Variants in CARS1 observed in about 807,000 individuals in gnomAD.
CARS1 encodes cysteine--tRNA ligase, cytoplasmic.
Under a neutral mutation model 106.2 loss-of-function variants are expected in CARS1, and 48 were observed. That is an observed-to-expected ratio of 0.45 (90% CI 0.36 to 0.57). The LOEUF (loss-of-function observed/expected upper bound fraction) is 0.57. Among genes scored for constraint, CARS1 ranks in the 20% least tolerant of loss-of-function variants. The pLI is 0.00. For missense variants in CARS1, 968 were observed against 1,057.2 expected, an observed-to-expected ratio of 0.92 and a Z score of 1.17; for synonymous variants, 409 against 403.4, an observed-to-expected ratio of 1.01 and a Z score of -0.17.
chr11:3,031,634 G>C (rs1852772259), intron 7 of CARS1: 1 of 152,226 alleles, frequency 6.6e-6, no homozygotes. Flanking sequence ...GAGAAGTTAG[G>C]TCATAGGGCA....
rs576761745 is a variant in CARS1, at chr11:3,021,088, A to G, written c.1154-756T>C. Reference sequence around the variant, plus strand: ...GAATTCCATGCATTGACTCGGTGACACTCAGCCACCTGACACTCAGGGTAC... The same window carrying G: ...GAATTCCATGCATTGACTCGGTGACGCTCAGCCACCTGACACTCAGGGTAC... On this transcript the variant is annotated intron_variant, in intron 10 of 22. Transcript: ENST00000380525. The surrounding 1 kb of genome is among the most constrained non-coding windows in gnomAD (Gnocchi z 5.3). Among the ~76,000 whole-genome samples the G allele has an allele frequency of 1.3e-5, 2 of 152,278 alleles. No homozygotes were observed. The highest frequency in any genetic ancestry group is 3.9e-4 in the East Asian group (2 of 5,182).
At chr11:3,015,906 C>T (rs933762354) in intron 16 of CARS1, 57 bp from the exon 17 acceptor site, 15 of 1,443,226 alleles carry the variant, frequency 1.0e-5, no homozygotes, top group African/African-American at 5.6e-5. Flanking sequence ...CGGCATGTGG[C>T]GAGCAGCTGT....
rs918419154 is a variant in CARS1, at chr11:3,046,631, C to A, written c.274+1122G>T. ...GCAGAGGCCTGACCCACGGCAGAGG[C>A]GGGGGGGCATGTTCCCAATCCCAGG... On this transcript the variant is annotated intron_variant, in intron 2 of 22. Coordinates refer to ENST00000380525, the MANE Select transcript of CARS1 (RefSeq NM_001014437.3). This position sits in a 1 kb window ranked among gnomAD's most constrained non-coding sequence, Gnocchi z 5.8. Among the ~76,000 whole-genome samples, 1 of 151,958 alleles carries A rather than the reference C, an allele frequency of 6.6e-6. No individual in the cohort carries two copies. The highest frequency in any genetic ancestry group is 1.5e-5 in the Non-Finnish European group (1 of 67,930).
In CARS1 at chr11:3,047,791, C is replaced by A. The variant is rs776018728; in HGVS notation, c.236G>T (p.Ser79Ile). 3.9e-5 allele frequency: 63 copies of A among 1,613,770 alleles called. No homozygotes were observed. Among genetic ancestry groups the A allele is most frequent in the African/African-American group, 9.3e-5 (7 of 74,920 alleles). The change falls in exon 2 of 23, where the codon AGC becomes ATC. Residue 79 changes from serine to isoleucine, a missense_variant. Coordinates refer to ENST00000380525, the MANE Select transcript of CARS1 (RefSeq NM_001014437.3). ...WFRHIEALLG[S>I]PCGKGQPCRL... ...GCAGGGCTGGCCTTTGCCACAGGGG[C>A]TACCCAGGAGCGCTTCTATGTGCCT... is the stretch of plus-strand genomic sequence containing the variant.
chr11:3,024,594 C>T (rs1301203858), intron 10 of CARS1, among the ~76,000 whole-genome samples: 24 of 151,978 alleles, frequency 1.6e-4, no homozygotes, highest in African/African-American at 5.1e-4. Context: ...ACTATAGGCA[C>T]GTGCCACCAC....
At chr11:3,012,058 A>G in intron 18 of CARS1, 137 bp downstream of exon 18, 1 of 771,960 alleles carries the variant, frequency 1.3e-6, no homozygotes, top group Admixed American at 2.0e-5. Flanking sequence ...ATGCCGTTCA[A>G]CACCCTGTGG....
rs538197594 is a variant in CARS1 at position 3,044,184 on chromosome 11, G to A, written c.275-1928C>T. ...ACGCTGCCCAGAAACACAGCCATGA[G>A]GCCACGGGATCATCACACTCACCCT... On this transcript the variant is annotated intron_variant, in intron 2 of 22. Coordinates refer to ENST00000380525, the MANE Select transcript of CARS1 (RefSeq NM_001014437.3). The surrounding 1 kb of genome is among the most constrained non-coding windows in gnomAD (Gnocchi z 4.4). Among the ~76,000 whole-genome samples the A allele has an allele frequency of 6.6e-6, 1 of 152,106 alleles. No individual in the cohort carries two copies. Among genetic ancestry groups the A allele is most frequent in the Non-Finnish European group, 1.5e-5 (1 of 68,032 alleles).
rs1855529446 is a variant in CARS1, at chr11:3,050,309, C to T, written c.26-2308G>A. Among the ~76,000 whole-genome samples, 1 of 152,080 alleles carries T rather than the reference C, an allele frequency of 6.6e-6. No homozygotes were observed. Among genetic ancestry groups the T allele is most frequent in the Admixed American group, 6.5e-5 (1 of 15,278 alleles). On this transcript the variant is annotated intron_variant, in intron 1 of 22. Coordinates refer to ENST00000380525, the MANE Select transcript of CARS1 (RefSeq NM_001014437.3). This position sits in a 1 kb window ranked among gnomAD's most constrained non-coding sequence, Gnocchi z 6.3. ...CACGGAGCCACTGTCCCATCTGACC[C>T]CAATAAGATGGCCACCCACTCCAAG... is the stretch of plus-strand genomic sequence containing the variant.
In CARS1 at chr11:3,029,526, G is replaced by C; in HGVS notation, c.802-83C>G. Reference sequence around the variant, plus strand: ...TCGTGCAGCTGGTGTGAGCCCATCAGTGCCCTGAATTCAAAGGTGCTGACC... The same window carrying C: ...TCGTGCAGCTGGTGTGAGCCCATCACTGCCCTGAATTCAAAGGTGCTGACC... On this transcript the variant is annotated intron_variant, in intron 7 of 22. Coordinates refer to ENST00000380525, the MANE Select transcript of CARS1 (RefSeq NM_001014437.3). The surrounding 1 kb of genome is among the most constrained non-coding windows in gnomAD (Gnocchi z 5.9). 1 of 1,494,742 alleles carries C rather than the reference G, an allele frequency of 6.7e-7. No homozygotes were observed. Among genetic ancestry groups the C allele is most frequent in the South Asian group, 1.2e-5 (1 of 83,558 alleles). 92.6% of individuals were successfully genotyped at this position (1,494,742 alleles called of 1,614,324 possible). A position where few individuals can be genotyped will look rare whatever the true frequency, so the allele number is the denominator to read the frequency against.
intron 7 of CARS1, among the ~76,000 whole-genome samples, chr11:3,031,996 T>TTCCTTCCTTCCCTCCC (rs1365442301): frequency 6.2e-5 from 1 of 16,038 alleles, no homozygotes; most frequent in African/African-American, 2.6e-4. Context: ...CCTTCCTTCC[T>TTCCTTCCTTCCCTCCC]TCCCTCCCTC....
At chr11:3,016,134 G>A (rs1302937807) in intron 16 of CARS1, among the ~76,000 whole-genome samples, 4 of 152,176 alleles carry the variant, frequency 2.6e-5, no homozygotes, top group African/African-American at 9.7e-5. Context: ...TTGAGTCCAG[G>A]CCCTGCTGGC....
chr11:3,015,417 G>A (rs1426247086), intron 17 of CARS1, among the ~76,000 whole-genome samples: 1 of 152,256 alleles, frequency 6.6e-6, no homozygotes, highest in African/African-American at 2.4e-5. Flanking sequence ...TTTCGATGAA[G>A]CATTTACTGA....
rs998870616 is a variant in CARS1, at chr11:3,028,691, G to T, written c.1031+305C>A. 2 of 426,164 alleles carry T rather than the reference G, an allele frequency of 4.7e-6. No homozygotes were observed. The highest frequency in any genetic ancestry group is 2.0e-5 in the African/African-American group (1 of 49,870). 26.4% of individuals were successfully genotyped at this position (426,164 alleles called of 1,614,324 possible). On this transcript the variant is annotated intron_variant, in intron 9 of 22. Transcript: ENST00000380525. This position sits in a 1 kb window ranked among gnomAD's most constrained non-coding sequence, Gnocchi z 4.4. ...CGCAATGGCACTGATGTCTGTGAAG[G>T]CCCAGCAGTATTCGCACTCACCATT...
At chr11:3,007,899 A>G (rs1389973174) in intron 18 of CARS1, 1 of 152,294 alleles carries the variant, frequency 6.6e-6, no homozygotes, top group Non-Finnish European at 1.5e-5. Context: ...AGAACAGGAC[A>G]TAAGAAGTTT....
chr11:3,049,485 G>A (rs151069929), intron 1 of CARS1, among the ~76,000 whole-genome samples: 333 of 152,358 alleles, frequency 2.2e-3, no homozygotes, highest in African/African-American at 7.6e-3. Context: ...CCAGGCAGAT[G>A]GTGCCAGGCT....
intron 19 of CARS1, 50 bp downstream of exon 19, chr11:3,006,829 C>T: frequency 2.1e-6 from 3 of 1,435,930 alleles, no homozygotes; most frequent in South Asian, 1.1e-5. Flanking sequence ...CCTTGTGACA[C>T]CTCTCCAAGC....
chr11:3,006,255 G>C (rs7109088), intron 19 of CARS1, among the ~76,000 whole-genome samples: 2 of 151,904 alleles, frequency 1.3e-5, no homozygotes, highest in African/African-American at 4.8e-5. Flanking sequence ...ACACTAGCCT[G>C]GTCAACACAG....
chr11:3,029,118 C>T lies in CARS1; in HGVS notation c.943-34G>A, dbSNP rs371284384. ...GACATGAGAATGTCCTGGGATTTTC[C>T]CTTCTGAAAACCACGCGCTCCATAA... On this transcript the variant is annotated intron_variant, in intron 8 of 22. Coordinates refer to ENST00000380525, the MANE Select transcript of CARS1 (RefSeq NM_001014437.3). This position sits in a 1 kb window ranked among gnomAD's most constrained non-coding sequence, Gnocchi z 5.9. The T allele has an allele frequency of 1.3e-6, 2 of 1,562,272 alleles. No individual in the cohort carries two copies. Among genetic ancestry groups the T allele is most frequent in the African/African-American group, 2.7e-5 (2 of 73,892 alleles).
At chr11:3,031,656 C>A (rs1056760261) in intron 7 of CARS1, 1 of 152,180 alleles carries the variant, frequency 6.6e-6, no homozygotes, top group African/African-American at 2.4e-5. Flanking sequence ...ACCACTGCCC[C>A]CTAAACTGGA....
Sources: allele counts gnomAD v4.1 joint callset (sites outside exome capture counted in the v4.1 genomes callset), GRCh38; gene constraint gnomAD v4.1.1; non-coding constraint Gnocchi (gnomAD v3.1); transcripts MANE v1.5; gene names NCBI Gene and HGNC (gene_info 2026-07-23, HGNC 2026-07-21).